RALGPS2: variants seen among roughly 807,000 people sequenced by gnomAD.
RALGPS2 encodes Ral GEF with PH domain and SH3 binding motif 2.
RALGPS2 carries 43 observed loss-of-function variants against 86.8 expected under a neutral mutation model. The ratio of observed to expected loss-of-function variants is 0.50; its 90% CI spans 0.39 to 0.64. RALGPS2 has a LOEUF of 0.64. Among genes scored for constraint, RALGPS2 ranks in the 30% least tolerant of loss-of-function variants. RALGPS2 has a pLI of 0.00. For synonymous variants in RALGPS2, 243 were observed against 231.3 expected, an observed-to-expected ratio of 1.05 and a Z score of -0.46; for missense variants, 536 against 694.6, an observed-to-expected ratio of 0.77 and a Z score of 2.57.
rs769771352 is a variant in RALGPS2, at chr1:178,821,662, C to G, written c.438C>G (p.Gly146=). Reference sequence around the variant, plus strand: ...ATGCACTTATGGCAGTGGTTTCTGGCCTACAGAGTGCCCCAATTTTCAGGT... The same window carrying G: ...ATGCACTTATGGCAGTGGTTTCTGGGCTACAGAGTGCCCCAATTTTCAGGT... ...NLHALMAVVS[G]LQSAPIFRLT... Residue 146 remains glycine (G), a synonymous_variant, in exon 7 of 20, where the codon GGC becomes GGG. Coordinates refer to ENST00000367635, the MANE Select transcript of RALGPS2 (RefSeq NM_152663.5). 80 of 1,613,334 alleles carry G rather than the reference C, an allele frequency of 5.0e-5. No homozygotes were observed. Among genetic ancestry groups the G allele is most frequent in the Non-Finnish European group, 6.3e-5 (74 of 1,179,698 alleles).
At chr1:178,881,183 C>T (rs926723950) in intron 10 of RALGPS2, among the ~76,000 whole-genome samples, 2 of 152,000 alleles carry the variant, frequency 1.3e-5, no homozygotes, top group Non-Finnish European at 2.9e-5. Context: ...TAAAGATATG[C>T]CAAGGATGCT....
intron 8 of RALGPS2, among the ~76,000 whole-genome samples, chr1:178,860,123 C>T (rs746785658): frequency 2.6e-5 from 4 of 152,110 alleles, no homozygotes; most frequent in Non-Finnish European, 4.4e-5. Context: ...GAACTTTCTC[C>T]ACTCAGCTCT....
At chr1:178,738,289 A>G (rs1286882638) in intron 1 of RALGPS2, among the ~76,000 whole-genome samples, 1 of 149,536 alleles carries the variant, frequency 6.7e-6, no homozygotes, top group Non-Finnish European at 1.5e-5. Context: ...GCTCACTGCA[A>G]CATCCACCTC....
intron 10 of RALGPS2, among the ~76,000 whole-genome samples, chr1:178,882,782 G>A (rs992565293): frequency 6.6e-6 from 1 of 152,142 alleles, no homozygotes; most frequent in African/African-American, 2.4e-5. Flanking sequence ...TGAAACTTAA[G>A]TACCATATAA....
intron 19 of RALGPS2, among the ~76,000 whole-genome samples, chr1:178,910,562 A>G (rs1660580721): frequency 6.6e-6 from 1 of 152,236 alleles, no homozygotes; most frequent in Non-Finnish European, 1.5e-5. Context: ...GGTGAATCAC[A>G]TTTATTGATT....
Position 178,916,674 on chromosome 1 carries a change from C to A in RALGPS2, c.*315C>A. On this transcript the variant is annotated 3_prime_UTR_variant, in exon 20 of 20. Transcript: ENST00000367635. ...CAAATAGTGTGTGTGAATCTTCTGG[C>A]GGTGCTGTGCTTGGAATAGATCGTA... The A allele has an allele frequency of 3.1e-6, 1 of 319,506 alleles. No individual in the cohort carries two copies. The highest frequency in any genetic ancestry group is 5.6e-6 in the Non-Finnish European group (1 of 177,096). The allele number at this position is 319,506 out of a possible 1,614,324, so 19.8% of individuals were successfully genotyped here.
At chr1:178,848,665 T>C (rs1329134955) in intron 8 of RALGPS2, among the ~76,000 whole-genome samples, 1 of 152,156 alleles carries the variant, frequency 6.6e-6, no homozygotes, top group Non-Finnish European at 1.5e-5. Flanking sequence ...TATTGTTTTG[T>C]TTTTTGAGAA....
intron 11 of RALGPS2, among the ~76,000 whole-genome samples, chr1:178,883,752 G>A (rs527311420): frequency 1.0e-3 from 153 of 152,230 alleles, no homozygotes; most frequent in African/African-American, 3.4e-3. Flanking sequence ...TTGGGAGGCC[G>A]AGGCGGGCGG....
At chr1:178,810,549 GAGTAAACCTTGTT>G (rs1310326987) in intron 5 of RALGPS2, among the ~76,000 whole-genome samples, 1 of 149,346 alleles carries the variant, frequency 6.7e-6, no homozygotes, top group African/African-American at 2.5e-5. Flanking sequence ...TTTTTTTTAG[GAGTAAACCTTGTT>G]AGAACTGGGG....
At chr1:178,851,188 A>G (rs2102290779) in intron 8 of RALGPS2, 3 of 1,614,024 alleles carry the variant, frequency 1.9e-6, no homozygotes, top group East Asian at 2.2e-5. Flanking sequence ...CCGCCTCTGT[A>G]TTCGGCCCAG....
In RALGPS2 at chr1:178,918,907, A is replaced by G. The variant is rs1036339141; in HGVS notation, c.*2548A>G. 2.0e-5 allele frequency: 3 copies of G among 152,220 alleles called. No homozygotes were observed. Among genetic ancestry groups the G allele is most frequent in the East Asian group, 1.9e-4 (1 of 5,192 alleles). 9.4% of individuals were successfully genotyped at this position (152,220 alleles called of 1,614,324 possible). On this transcript the variant is annotated 3_prime_UTR_variant, in exon 20 of 20. Coordinates refer to ENST00000367635, the MANE Select transcript of RALGPS2 (RefSeq NM_152663.5). ...AATCTTCTTATTAAGCCTGCCCTCAATTGTAAATAAGTGACTCAAAAACTC... is the reference window on the plus strand; with the variant it reads ...AATCTTCTTATTAAGCCTGCCCTCAGTTGTAAATAAGTGACTCAAAAACTC...
chr1:178,823,483 G>A (rs539232784), intron 7 of RALGPS2, among the ~76,000 whole-genome samples: 26 of 152,312 alleles, frequency 1.7e-4, no homozygotes, highest in Non-Finnish European at 3.1e-4. Flanking sequence ...GGACAGTACT[G>A]TGTTATGTAA....
At chr1:178,874,827 G>A (rs1482084578) in intron 8 of RALGPS2, among the ~76,000 whole-genome samples, 1 of 152,082 alleles carries the variant, frequency 6.6e-6, no homozygotes, top group Non-Finnish European at 1.5e-5. Flanking sequence ...TCACCATGTT[G>A]CCCAGACTGG....
At chr1:178,848,102 A>G (rs1656956515) in intron 8 of RALGPS2, among the ~76,000 whole-genome samples, 1 of 152,130 alleles carries the variant, frequency 6.6e-6, no homozygotes, top group Non-Finnish European at 1.5e-5. Context: ...TGAGGCCAGG[A>G]GTTTGAGACC....
intron 1 of RALGPS2, among the ~76,000 whole-genome samples, chr1:178,726,724 A>G (rs1160721997): frequency 1.3e-5 from 2 of 151,968 alleles, no homozygotes; most frequent in African/African-American, 2.4e-5. Context: ...TGACTTGGGT[A>G]TTTTTCTGTG....
Position 178,892,252 on chromosome 1 carries a change from G to C in RALGPS2, c.1270G>C (p.Gly424Arg). ...CAGGAACAGATTATACCATTCTCTCGGCCCGGTGACAAGAGTGGCACGAAA... is the reference window on the plus strand; with the variant it reads ...CAGGAACAGATTATACCATTCTCTCCGCCCGGTGACAAGAGTGGCACGAAA... Reference protein sequence around the residue: ...FERNRLYHSLGPVTRVARNGY... With the variant: ...FERNRLYHSLRPVTRVARNGY... The change falls in exon 15 of 20, where the codon GGC becomes CGC. Residue 424 changes from glycine to arginine, a missense_variant. Coordinates refer to ENST00000367635, the MANE Select transcript of RALGPS2 (RefSeq NM_152663.5). 1 of 1,612,372 alleles carries C rather than the reference G, an allele frequency of 6.2e-7. No individual in the cohort carries two copies. The highest frequency in any genetic ancestry group is 1.1e-5 in the South Asian group (1 of 91,050).
chr1:178,885,437 G>A (rs1015644654), intron 12 of RALGPS2: 8 of 474,420 alleles, frequency 1.7e-5, no homozygotes, highest in Middle Eastern at 5.7e-4. Context: ...ATTTGGGGAC[G>A]ATAAATGAAC....
At position 178,853,772 on chromosome 1, in the gene RALGPS2, C is replaced by T. The variant is rs1408678103; in HGVS notation, c.607+20222C>T. 2.5e-6 allele frequency: 4 copies of T among 1,604,312 alleles called. No individual in the cohort carries two copies. Among genetic ancestry groups the T allele is most frequent in the Admixed American group, 3.4e-5 (2 of 58,064 alleles). On this transcript the variant is annotated intron_variant, in intron 8 of 19. Coordinates refer to ENST00000367635, the MANE Select transcript of RALGPS2 (RefSeq NM_152663.5). Reference sequence around the variant, plus strand: ...ATGCCCAGCTTCTTTTGCTTGCTGACAGTCTTTGAATGGTCCTATAATTTA... The same window carrying T: ...ATGCCCAGCTTCTTTTGCTTGCTGATAGTCTTTGAATGGTCCTATAATTTA...
intron 7 of RALGPS2, among the ~76,000 whole-genome samples, chr1:178,822,601 T>G (rs1377804523): frequency 2.0e-5 from 3 of 152,066 alleles, no homozygotes; most frequent in Non-Finnish European, 4.4e-5. Context: ...AGTGTAGATT[T>G]CTATATTGGA....
Sources: allele counts gnomAD v4.1 joint callset (sites outside exome capture counted in the v4.1 genomes callset), GRCh38; gene constraint gnomAD v4.1.1; transcripts MANE v1.5; gene names NCBI Gene and HGNC (gene_info 2026-07-23, HGNC 2026-07-21).